Variants in TXNDC8 observed in about 807,000 individuals in gnomAD.
TXNDC8 encodes the protein thioredoxin domain containing 8.
In TXNDC8, 15 loss-of-function variants were observed where a neutral mutation model predicts 12.9. The observed-to-expected ratio is 1.16, with a 90% CI of 0.78 to 1.79. The LOEUF (loss-of-function observed/expected upper bound fraction) is 1.79. Ranked by LOEUF, TXNDC8 falls within the 40% of genes most tolerant of loss-of-function variation. TXNDC8 has a pLI of 0.00. For missense variants in TXNDC8, 128 were observed against 113.2 expected (o/e 1.13, Z -0.59); for synonymous variants, 40 against 35.4 (o/e 1.13, Z -0.46).
At chr9:110,323,977 T>C (rs1450670691) in intron 3 of TXNDC8, 1 of 1,550,706 alleles carries the variant, frequency 6.4e-7, no homozygotes, top group East Asian at 2.4e-5. Context: ...AGTTCACTGG[T>C]TGGTGTAGGC....
intron 3 of TXNDC8, among the ~76,000 whole-genome samples, chr9:110,324,480 T>A (rs531809309): frequency 6.6e-6 from 1 of 152,238 alleles, no homozygotes; most frequent in African/African-American, 2.4e-5. Flanking sequence ...GCAGACATAA[T>A]CTTTACAAAG....
intron 2 of TXNDC8, among the ~76,000 whole-genome samples, chr9:110,329,966 T>C (rs1447165066): frequency 6.6e-6 from 1 of 152,132 alleles, no homozygotes; most frequent in Non-Finnish European, 1.5e-5. Context: ...TTCTGTTTTG[T>C]TCTGGAATCA....
rs114071271 is a variant in TXNDC8, at chr9:110,309,779, A to T, written c.196-5247T>A. On this transcript the variant is annotated intron_variant, in intron 3 of 4. Coordinates refer to ENST00000423740, the MANE Select transcript of TXNDC8 (RefSeq NM_001286946.2). Reference sequence around the variant, plus strand: ...GGGTAGAAACAACTCAGTGGTGTGGAGTGCTGCTTACAAGCAGCACACATC... The same window carrying T: ...GGGTAGAAACAACTCAGTGGTGTGGTGTGCTGCTTACAAGCAGCACACATC... 8.7e-3 allele frequency among the ~76,000 whole-genome samples: 1,329 copies of T among 152,358 alleles called. 22 individuals carry two copies. Among genetic ancestry groups the T allele is most frequent in the African/African-American group, 0.03 (1,253 of 41,578 alleles).
At chr9:110,320,563 A>G (rs574739164) in intron 3 of TXNDC8, among the ~76,000 whole-genome samples, 3 of 152,326 alleles carry the variant, frequency 2.0e-5, no homozygotes, top group African/African-American at 7.2e-5. Flanking sequence ...GTCTACAACC[A>G]AAGTTATTCA....
intron 3 of TXNDC8, chr9:110,323,668 C>A: frequency 2.0e-6 from 1 of 505,288 alleles, no homozygotes; most frequent in Non-Finnish European, 3.0e-6. Context: ...CCAGAGTTTA[C>A]ATAGCTGAAG....
intron 3 of TXNDC8, among the ~76,000 whole-genome samples, chr9:110,310,720 G>A (rs115299431): frequency 0.025 from 3,856 of 152,220 alleles, 148 homozygotes; most frequent in African/African-American, 0.087. Context: ...ATTATTGGAA[G>A]CGTAATATTA....
chr9:110,328,644 T>C (rs1347629495), intron 2 of TXNDC8, among the ~76,000 whole-genome samples: 1 of 151,976 alleles, frequency 6.6e-6, no homozygotes, highest in Admixed American at 6.6e-5. Context: ...CTGTCTCTAA[T>C]AAAAATACAA....
At position 110,332,997 on chromosome 9, in the gene TXNDC8, C is replaced by T. The variant is rs375427851; in HGVS notation, c.129+1219G>A. On this transcript the variant is annotated intron_variant, in intron 2 of 4. Transcript: ENST00000423740. Reference sequence around the variant, plus strand: ...GTGAGTCACCATAGAATAAATACTGCATGATTCAATTTTTATGAAGTATGT... The same window carrying T: ...GTGAGTCACCATAGAATAAATACTGTATGATTCAATTTTTATGAAGTATGT... Among the ~76,000 whole-genome samples, 66 of 152,282 alleles carry T rather than the reference C, an allele frequency of 4.3e-4. No homozygotes were observed. The East Asian group carries it at 0.012, about 27-fold the overall frequency.
chr9:110,331,789 G>C (rs1165383956), intron 2 of TXNDC8, among the ~76,000 whole-genome samples: 1 of 152,114 alleles, frequency 6.6e-6, no homozygotes, highest in African/African-American at 2.4e-5. Context: ...ACCTAATGCT[G>C]CCGCTAATAT....
intron 2 of TXNDC8, among the ~76,000 whole-genome samples, chr9:110,326,923 C>A (rs1186832197): frequency 1.4e-5 from 2 of 142,714 alleles, no homozygotes; most frequent in African/African-American, 5.3e-5. Flanking sequence ...CATTAAATCT[C>A]TTGCCCTGCT....
At chr9:110,332,184 C>T (rs1839573296) in intron 2 of TXNDC8, among the ~76,000 whole-genome samples, 1 of 152,086 alleles carries the variant, frequency 6.6e-6, no homozygotes, top group Non-Finnish European at 1.5e-5. Context: ...CATGGTAGGA[C>T]CTGTCAGAAA....
chr9:110,313,691 ACT>A (rs1402844732), intron 3 of TXNDC8, among the ~76,000 whole-genome samples: 1 of 152,094 alleles, frequency 6.6e-6, no homozygotes, highest in Non-Finnish European at 1.5e-5. Context: ...TAAGAGCAAA[ACT>A]CTGTCTCAAA....
At chr9:110,302,707 G>T (rs182138788), downstream of TXNDC8, among the ~76,000 whole-genome samples, 2 of 151,102 alleles carry the variant, frequency 1.3e-5, no homozygotes, top group African/African-American at 4.9e-5. Flanking sequence ...GTGTGTACAC[G>T]TCTGTGTTTA....
chr9:110,331,934 A>G (rs1181947384), intron 2 of TXNDC8, among the ~76,000 whole-genome samples: 3 of 152,180 alleles, frequency 2.0e-5, no homozygotes, highest in Non-Finnish European at 4.4e-5. Flanking sequence ...CCCCTGATCT[A>G]GGGTAAGTAA....
intron 2 of TXNDC8, 54 bp from the exon 4 acceptor site, chr9:110,326,294 A>G (rs1839315408): frequency 2.5e-6 from 4 of 1,586,712 alleles, no homozygotes; most frequent in African/African-American, 2.7e-5. Flanking sequence ...CTCTCTCTGT[A>G]CCAAGCATGT....
At chr9:110,320,631 C>T (rs1011620405) in intron 3 of TXNDC8, among the ~76,000 whole-genome samples, 2 of 152,214 alleles carry the variant, frequency 1.3e-5, no homozygotes, top group Non-Finnish European at 2.9e-5. Context: ...TATTATCTCA[C>T]ATTTTAGTTT....
downstream of TXNDC8, among the ~76,000 whole-genome samples, chr9:110,301,248 T>C (rs1838266989): frequency 6.6e-6 from 1 of 152,136 alleles, no homozygotes; most frequent in Non-Finnish European, 1.5e-5. Flanking sequence ...CCAGGCAGTA[T>C]TTTTCTCCCA....
At chr9:110,316,599 AG>A (rs1367105112) in intron 3 of TXNDC8, among the ~76,000 whole-genome samples, 1 of 152,268 alleles carries the variant, frequency 6.6e-6, no homozygotes, top group Non-Finnish European at 1.5e-5. Flanking sequence ...TTCAAGAACA[AG>A]AGCCTATAAA....
intron 3 of TXNDC8, among the ~76,000 whole-genome samples, chr9:110,313,571 C>T (rs1017650284): frequency 1.3e-5 from 2 of 152,102 alleles, no homozygotes; most frequent in Non-Finnish European, 2.9e-5. Flanking sequence ...CGTGGTGGCA[C>T]ATGCCTGTAA....
Sources: allele counts gnomAD v4.1 joint callset (sites outside exome capture counted in the v4.1 genomes callset), GRCh38; gene constraint gnomAD v4.1.1; transcripts MANE v1.5; gene names NCBI Gene and HGNC (gene_info 2026-07-23, HGNC 2026-07-21).